CYP2C19: variants seen among roughly 807,000 people sequenced by gnomAD.
The protein encoded by CYP2C19 is cytochrome P450 family 2 subfamily C member 19, also known as cytochrome P450 2C19.
CYP2C19 carries 59 observed loss-of-function variants against 40.9 expected under a neutral mutation model. The observed-to-expected ratio is 1.44, with a 90% CI of 1.17 to 1.79. The LOEUF is 1.79. Among genes scored for constraint, CYP2C19 ranks in the 40% most tolerant of loss-of-function variants. The pLI, the probability that CYP2C19 is intolerant of heterozygous loss-of-function variation, is 0.00. For missense variants in CYP2C19, 754 were observed against 596.9 expected, an observed-to-expected ratio of 1.26 and a Z score of -2.74; for synonymous variants, 253 against 208.7, an observed-to-expected ratio of 1.21 and a Z score of -1.83.
intron 5 of CYP2C19, among the ~76,000 whole-genome samples, chr10:94,789,628 A>G (rs1848581811): frequency 6.6e-6 from 1 of 152,054 alleles, no homozygotes; most frequent in South Asian, 2.1e-4. Context: ...TTTTTTTGTC[A>G]GGTTTGTCAA....
chr10:94,785,172 A>G (rs971432162), intron 5 of CYP2C19, among the ~76,000 whole-genome samples: 1 of 152,000 alleles, frequency 6.6e-6, no homozygotes, highest in Non-Finnish European at 1.5e-5. Context: ...ATTTTGATGA[A>G]GTTTGGTTTA....
At chr10:94,815,688 T>C (rs1848991596) in intron 5 of CYP2C19, among the ~76,000 whole-genome samples, 1 of 152,234 alleles carries the variant, frequency 6.6e-6, no homozygotes, top group Non-Finnish European at 1.5e-5. Context: ...CCTGCACTAC[T>C]TGCATTCTAG....
intron 5 of CYP2C19, among the ~76,000 whole-genome samples, chr10:94,802,650 TGTTA>T (rs1474570601): frequency 4.6e-5 from 7 of 152,056 alleles, no homozygotes; most frequent in African/African-American, 1.7e-4. Context: ...TTATTTTGCT[TGTTA>T]GTTGATGCAG....
At chr10:94,779,055 T>C (rs1015700536) in intron 3 of CYP2C19, among the ~76,000 whole-genome samples, 9 of 151,246 alleles carry the variant, frequency 6.0e-5, no homozygotes, top group African/African-American at 2.2e-4. Flanking sequence ...TAAGTGGGAG[T>C]TGAAAAATGA....
intron 5 of CYP2C19, among the ~76,000 whole-genome samples, chr10:94,784,883 C>T (rs1848521390): frequency 6.6e-6 from 1 of 152,056 alleles, no homozygotes; most frequent in Non-Finnish European, 1.5e-5. Context: ...AGCCACCATG[C>T]CCAGCTCTCA....
chr10:94,801,795 T>C (rs1848768833), intron 5 of CYP2C19, among the ~76,000 whole-genome samples: 1 of 152,162 alleles, frequency 6.6e-6, no homozygotes, highest in Admixed American at 6.5e-5. Context: ...GCATATAATT[T>C]AGGATAGTTA....
At chr10:94,808,971 T>C (rs1471992367) in intron 5 of CYP2C19, among the ~76,000 whole-genome samples, 2 of 152,174 alleles carry the variant, frequency 1.3e-5, no homozygotes, top group Non-Finnish European at 2.9e-5. Flanking sequence ...TGCTGGGTCA[T>C]TTGGTAACTT....
chr10:94,852,201 C>A (rs1849663794), intron 8 of CYP2C19, among the ~76,000 whole-genome samples: 1 of 151,902 alleles, frequency 6.6e-6, no homozygotes, highest in African/African-American at 2.4e-5. Flanking sequence ...TGGATCTTAT[C>A]CCATAGGACA....
In CYP2C19 at chr10:94,855,502, C is replaced by T. The variant is rs1278751676; in HGVS notation, c.*2588C>T. Among the ~76,000 whole-genome samples the T allele has an allele frequency of 2.6e-5, 4 of 152,152 alleles. No individual in the cohort carries two copies. Among genetic ancestry groups the T allele is most frequent in the Non-Finnish European group, 2.9e-5 (2 of 68,028 alleles). On this transcript the variant is annotated 3_prime_UTR_variant, in exon 9 of 9. Transcript: ENST00000371321. The stretch of plus-strand genomic sequence containing the variant: ...TGGCTCACTAATGAATACCAGCCAC[C>T]TGAAACACTGTTTAGAAGATACTGG...
rs140278421 is a variant in CYP2C19, at chr10:94,780,574, G to A, written c.557G>A (p.Arg186His). Residue 186 changes from arginine to histidine, a missense_variant, in exon 4 of 9, where the codon CGT becomes CAT. Coordinates refer to ENST00000371321, the MANE Select transcript of CYP2C19 (RefSeq NM_000769.4). ...NVICSIIFQK[R>H]FDYKDQQFLN... ...ATCTGCTCCATTATTTTCCAGAAACGTTTCGATTATAAAGATCAGCAATTT... is the reference window on the plus strand; with the variant it reads ...ATCTGCTCCATTATTTTCCAGAAACATTTCGATTATAAAGATCAGCAATTT... 94 of 1,613,806 alleles carry A rather than the reference G, an allele frequency of 5.8e-5. No individual in the cohort carries two copies. The highest frequency in any genetic ancestry group is 7.2e-5 in the Non-Finnish European group (85 of 1,179,904).
chr10:94,832,571 T>A (rs1352763400), intron 6 of CYP2C19, among the ~76,000 whole-genome samples: 1 of 152,226 alleles, frequency 6.6e-6, no homozygotes, highest in Non-Finnish European at 1.5e-5. Flanking sequence ...GAGTTCACTC[T>A]AGGTGTGTGA....
intron 3 of CYP2C19, 36 bp downstream of exon 3, chr10:94,775,575 G>C: frequency 6.2e-7 from 1 of 1,613,824 alleles, no homozygotes; most frequent in Non-Finnish European, 8.5e-7. Flanking sequence ...GACCTTTCTG[G>C]ACTGCTCTCC....
intron 1 of CYP2C19, among the ~76,000 whole-genome samples, chr10:94,772,749 C>A (rs544095288): frequency 1.1e-4 from 17 of 152,302 alleles, no homozygotes; most frequent in African/African-American, 2.4e-5. Context: ...AAGCCTGACA[C>A]CCCTGTCTTT....
chr10:94,764,390 C>G (rs1018697226), intron 1 of CYP2C19, among the ~76,000 whole-genome samples: 1 of 152,054 alleles, frequency 6.6e-6, no homozygotes. Flanking sequence ...TGCATTTTTA[C>G]AGTGTTGATT....
intron 1 of CYP2C19, 94 bp from the exon 2 acceptor site, chr10:94,774,964 C>A: frequency 1.5e-6 from 2 of 1,320,278 alleles, no homozygotes; most frequent in Admixed American, 2.1e-5. Context: ...TGAATAAAAG[C>A]ATACAAATAC....
At chr10:94,798,686 A>G (rs1289055555) in intron 5 of CYP2C19, among the ~76,000 whole-genome samples, 4 of 152,026 alleles carry the variant, frequency 2.6e-5, no homozygotes, top group African/African-American at 9.7e-5. Flanking sequence ...TATTGGGTGC[A>G]TATATATTTA....
intron 5 of CYP2C19, among the ~76,000 whole-genome samples, chr10:94,818,335 C>A (rs1264955350): frequency 6.6e-6 from 1 of 151,256 alleles, no homozygotes; most frequent in Non-Finnish European, 1.5e-5. Context: ...ATGCCTCCAG[C>A]TTTGTTCTTT....
chr10:94,845,403 C>T (rs1470837733), intron 7 of CYP2C19, among the ~76,000 whole-genome samples: 4 of 152,084 alleles, frequency 2.6e-5, no homozygotes, highest in Non-Finnish European at 1.5e-5. Flanking sequence ...ATACTTTTAG[C>T]TCACATACTA....
At chr10:94,817,794 A>G (rs1260546854) in intron 5 of CYP2C19, among the ~76,000 whole-genome samples, 1 of 152,106 alleles carries the variant, frequency 6.6e-6, no homozygotes, top group African/African-American at 2.4e-5. Flanking sequence ...CGGGCGGATC[A>G]CGAGGTCAGG....
Sources: allele counts gnomAD v4.1 joint callset (sites outside exome capture counted in the v4.1 genomes callset), GRCh38; gene constraint gnomAD v4.1.1; transcripts MANE v1.5; gene names NCBI Gene and HGNC (gene_info 2026-07-23, HGNC 2026-07-21).